RSPH14: variants seen among roughly 807,000 people sequenced by gnomAD.
The protein encoded by RSPH14 is rhabdoid tumor deletion region gene 1.
In RSPH14, 20 loss-of-function variants were observed where a neutral mutation model predicts 26.7. The ratio of observed to expected loss-of-function variants is 0.75; its 90% confidence interval spans 0.53 to 1.09. The LOEUF (loss-of-function observed/expected upper bound fraction) is 1.09. Among genes scored for constraint, RSPH14 ranks in the 50% least tolerant of loss-of-function variants. RSPH14 has a pLI of 0.00. For synonymous variants in RSPH14, 177 were observed against 189.3 expected (o/e 0.93, Z 0.53); for missense variants, 449 against 457.2 (o/e 0.98, Z 0.16).
rs954788442 is a variant in RSPH14, at chr22:23,061,938, G to A, written c.661C>T (p.Arg221Ter). The change falls in exon 6 of 7, where the codon CGA becomes TGA. Residue 221 changes from arginine to a stop codon, truncating the protein, a stop_gained. Coordinates refer to ENST00000216036, the MANE Select transcript of RSPH14 (RefSeq NM_014433.3). LOFTEE classifies it high-confidence loss of function. ...ARALLNVSIS[R>*]EGKKQVCHFD... Reference sequence around the variant, plus strand: ...TGACACACCTGTTTCTTGCCCTCTCGAGATATGCTGGGGCAGAGAGGGAAC... The same window carrying A: ...TGACACACCTGTTTCTTGCCCTCTCAAGATATGCTGGGGCAGAGAGGGAAC... The A allele has an allele frequency of 4.3e-6, 7 of 1,614,066 alleles. No homozygotes were observed. The highest frequency in any genetic ancestry group is 3.3e-4 in the Middle Eastern group (2 of 6,060).
At chr22:23,133,246 T>C (rs1467107419) in intron 4 of RSPH14, among the ~76,000 whole-genome samples, 1 of 152,220 alleles carries the variant, frequency 6.6e-6, no homozygotes, top group African/African-American at 2.4e-5. Flanking sequence ...TATACTCACA[T>C]AGTGTAAATA....
At position 23,115,237 on chromosome 22, in the gene RSPH14, A is replaced by G. The variant is rs80183543; in HGVS notation, c.421+18789T>C. On this transcript the variant is annotated intron_variant, in intron 4 of 6. Coordinates refer to ENST00000216036, the MANE Select transcript of RSPH14 (RefSeq NM_014433.3). Reference sequence around the variant, plus strand: ...CATCACCCACCTATTCCCCAATACAACACAGTCCGGGGGCCCCTCACCTGG... The same window carrying G: ...CATCACCCACCTATTCCCCAATACAGCACAGTCCGGGGGCCCCTCACCTGG... Among the ~76,000 whole-genome samples the G allele has an allele frequency of 5.6e-3, 859 of 152,234 alleles. 4 individuals are homozygous for G. Among genetic ancestry groups the G allele is most frequent in the African/African-American group, 0.02 (829 of 41,528 alleles).
chr22:23,147,659 T>G (rs1264047959), upstream of RSPH14, among the ~76,000 whole-genome samples: 1 of 152,240 alleles, frequency 6.6e-6, no homozygotes, highest in Non-Finnish European at 1.5e-5. Flanking sequence ...AGGAATTTAC[T>G]TGGCAGATAT....
chr22:23,081,449 G>A (rs2068674844), intron 4 of RSPH14, among the ~76,000 whole-genome samples: 1 of 152,182 alleles, frequency 6.6e-6, no homozygotes, highest in African/African-American at 2.4e-5. Context: ...AGATCAGCCA[G>A]CCAGCAGTCT....
At chr22:23,083,064 G>A (rs2068724566) in intron 4 of RSPH14, among the ~76,000 whole-genome samples, 1 of 152,146 alleles carries the variant, frequency 6.6e-6, no homozygotes, top group Non-Finnish European at 1.5e-5. Flanking sequence ...GAAGGAGGAG[G>A]GTGGGCAGGA....
rs140911828 is a variant in RSPH14 at position 23,114,621 on chromosome 22, T to C, written c.421+19405A>G. 7.2e-3 allele frequency among the ~76,000 whole-genome samples: 1,104 copies of C among 152,354 alleles called. 8 individuals are homozygous for C. The highest frequency in any genetic ancestry group is 0.026 in the African/African-American group (1,070 of 41,576). ...GCTCACAGTCACTTGTGCCTGGGTG[T>C]GGGGACTAAGCTGTCCATGTGTATC... On this transcript the variant is annotated intron_variant, in intron 4 of 6. Transcript: ENST00000216036.
At chr22:23,138,112 C>T (rs566391353) in intron 3 of RSPH14, among the ~76,000 whole-genome samples, 132 of 152,350 alleles carry the variant, frequency 8.7e-4, no homozygotes, top group African/African-American at 2.8e-3. Context: ...ACCAGATACT[C>T]ACTTTGAGGA....
chr22:23,159,223 G>T, the RSPH14 span: 1 of 1,603,876 alleles, frequency 6.2e-7, no homozygotes, highest in East Asian at 2.3e-5. Context: ...GGAGATGCAG[G>T]CCGAGTACTG....
At chr22:23,084,374 A>G (rs571757761) in intron 4 of RSPH14, among the ~76,000 whole-genome samples, 87 of 152,306 alleles carry the variant, frequency 5.7e-4, no homozygotes, top group Non-Finnish European at 9.4e-4. Flanking sequence ...CCTGCAGGCT[A>G]ATGTAAGTGT....
At chr22:23,149,928 G>A (rs911320753), upstream of RSPH14, 1 of 712,414 alleles carries the variant, frequency 1.4e-6, no homozygotes, top group African/African-American at 1.7e-5. Context: ...AAATGGGTCA[G>A]GGAAAGCTAA....
chr22:23,163,881 G>T, the RSPH14 span: 1 of 151,500 alleles, frequency 6.6e-6, no homozygotes. Flanking sequence ...GGCACACAAG[G>T]AGCCTCCTTC....
rs116492553 is a variant in RSPH14 at position 23,101,831 on chromosome 22, G to A, written c.421+32195C>T. On this transcript the variant is annotated intron_variant, in intron 4 of 6. Transcript: ENST00000216036. The stretch of plus-strand genomic sequence containing the variant: ...GTGCAGCTTGAGAGGCTCCACAGGG[G>A]TGGGAGACACAGAGGACCAAGCCCA... 5.8e-3 allele frequency among the ~76,000 whole-genome samples: 884 copies of A among 152,302 alleles called. 3 individuals carry two copies. The highest frequency in any genetic ancestry group is 0.02 in the African/African-American group (828 of 41,570).
intron 4 of RSPH14, among the ~76,000 whole-genome samples, chr22:23,066,467 T>C (rs2068213063): frequency 6.6e-6 from 1 of 152,228 alleles, no homozygotes; most frequent in South Asian, 2.1e-4. Flanking sequence ...CCTTGGGTTT[T>C]GTTTCTCAGG....
intron 4 of RSPH14, chr22:23,096,246 G>A: frequency 6.2e-7 from 1 of 1,613,980 alleles, no homozygotes; most frequent in Non-Finnish European, 8.5e-7. Context: ...ATGACCACGG[G>A]CATTGTGGAG....
At chr22:23,139,788 G>A (rs549848029) in intron 2 of RSPH14, among the ~76,000 whole-genome samples, 25 of 152,202 alleles carry the variant, frequency 1.6e-4, no homozygotes, top group Non-Finnish European at 2.6e-4. Context: ...CAGGCTGGGT[G>A]TGATGGCTCA....
At chr22:23,133,851 G>A in intron 4 of RSPH14, 175 bp downstream of exon 4, 16 of 511,562 alleles carry the variant, frequency 3.1e-5, no homozygotes, top group South Asian at 2.7e-4. Flanking sequence ...GCCTCCCAAA[G>A]TGCTGGGATT....
At chr22:23,125,875 G>A (rs1217047801) in intron 4 of RSPH14, among the ~76,000 whole-genome samples, 1 of 152,036 alleles carries the variant, frequency 6.6e-6, no homozygotes, top group Non-Finnish European at 1.5e-5. Flanking sequence ...CCTCCTCAAA[G>A]CAGGACCTCA....
intron 4 of RSPH14, among the ~76,000 whole-genome samples, chr22:23,084,470 T>G (rs942727239): frequency 6.6e-6 from 1 of 152,130 alleles, no homozygotes; most frequent in African/African-American, 2.4e-5. Flanking sequence ...TAGGATGGGT[T>G]TATCAGGACA....
At chr22:23,102,319 G>T (rs2069326624) in intron 4 of RSPH14, among the ~76,000 whole-genome samples, 1 of 152,246 alleles carries the variant, frequency 6.6e-6, no homozygotes. Flanking sequence ...TGAGCAGGGA[G>T]GGGTGGAGAA....
Sources: allele counts gnomAD v4.1 joint callset (sites outside exome capture counted in the v4.1 genomes callset), GRCh38; gene constraint gnomAD v4.1.1; transcripts MANE v1.5; gene names NCBI Gene and HGNC (gene_info 2026-07-23, HGNC 2026-07-21).